Variants in PMS1 observed in about 807,000 individuals in gnomAD.
PMS1 encodes the protein PMS1 protein homolog 1.
A neutral mutation model predicts 93.1 loss-of-function variants in PMS1; 79 were observed. The ratio of observed to expected loss-of-function variants is 0.85; its 90% confidence interval spans 0.71 to 1.02. The LOEUF (loss-of-function observed/expected upper bound fraction) is 1.02, where lower values mean the gene tolerates loss of function less well. PMS1 is among the 50% of genes least tolerant of loss of function. The probability of loss-of-function intolerance (pLI) is 0.00; values close to 1 mark genes in which losing one functional copy is unlikely to be tolerated. For synonymous variants in PMS1, 335 were observed against 363.4 expected (o/e 0.92, Z 0.89); for missense variants, 1,064 against 1,085.3 (o/e 0.98, Z 0.28).
chr2:189,854,273 C>T lies in PMS1; in HGVS notation c.1001C>T (p.Thr334Met), dbSNP rs147084726. 707 of 1,593,580 alleles carry T rather than the reference C, an allele frequency of 4.4e-4. 5 individuals carry two copies. In the South Asian group the frequency reaches 5.2e-3, roughly 12 times the overall value. Reference sequence around the variant, plus strand: ...TTAATTGCTCTTGAAAATCTGATGACGACTTGTTATGGACCATTACCTAGT... The same window carrying T: ...TTAATTGCTCTTGAAAATCTGATGATGACTTGTTATGGACCATTACCTAGT... ...SVLIALENLM[T>M]TCYGPLPSTN... The change falls in exon 9 of 13, where the codon ACG becomes ATG. Residue 334 changes from threonine to methionine, a missense_variant. Coordinates refer to ENST00000441310, the MANE Select transcript of PMS1 (RefSeq NM_000534.5).
intron 4 of PMS1, among the ~76,000 whole-genome samples, chr2:189,812,490 G>T (rs930775498): frequency 6.6e-6 from 1 of 152,164 alleles, no homozygotes; most frequent in African/African-American, 2.4e-5. Context: ...ACCTGAATCT[G>T]CAAGAAGGAA....
chr2:189,802,883 C>T (rs2050015355), intron 3 of PMS1, among the ~76,000 whole-genome samples: 1 of 152,078 alleles, frequency 6.6e-6, no homozygotes, highest in African/African-American at 2.4e-5. Flanking sequence ...ATTTTACTTC[C>T]TAAATGCAGC....
chr2:189,856,254 C>T (rs747654626), intron 9 of PMS1, among the ~76,000 whole-genome samples: 35 of 151,834 alleles, frequency 2.3e-4, no homozygotes, highest in Non-Finnish European at 4.9e-4. Context: ...CCCCATTTCA[C>T]CACCAATCAT....
At position 189,802,021 on chromosome 2, in the gene PMS1, C is replaced by T. The variant is rs1026709896; in HGVS notation, c.316-3631C>T. 3.9e-5 allele frequency among the ~76,000 whole-genome samples: 6 copies of T among 152,232 alleles called. No individual in the cohort carries two copies. In the South Asian group the frequency reaches 1.0e-3, roughly 26 times the overall value. ...TAATTCTCACCAAATGTCTTCATCC[C>T]GTAGTGTTAGTTCATTTTTTTCTCT... On this transcript the variant is annotated intron_variant, in intron 3 of 12. Coordinates refer to ENST00000441310, the MANE Select transcript of PMS1 (RefSeq NM_000534.5).
rs759618103 is a variant in PMS1, at chr2:189,863,756, G to A, written c.1870G>A (p.Ala624Thr). 4.4e-6 allele frequency: 7 copies of A among 1,589,772 alleles called. No homozygotes were observed. The Admixed American group carries it at 1.2e-4, about 27-fold the overall frequency. Residue 624 changes from alanine to threonine, a missense_variant, in exon 10 of 13, where the codon GCT becomes ACT. By Grantham distance (58) the Ala-to-Thr change is moderately conservative. Transcript: ENST00000441310. The part of the protein sequence containing the change: ...EEEKLKYEEK[A>T]TKDLERYNSQ... ...TTCTATTCTTAGATATGAAGAGAAG[G>A]CTACTAAAGACTTGGAACGATACAA...
intron 5 of PMS1, among the ~76,000 whole-genome samples, chr2:189,829,757 A>G (rs1053626356): frequency 2.1e-4 from 32 of 152,328 alleles, no homozygotes; most frequent in Non-Finnish European, 4.0e-4. Context: ...ATTCTTCGCT[A>G]CTGATTCTCT....
intron 3 of PMS1, among the ~76,000 whole-genome samples, chr2:189,799,778 C>T (rs2049714834): frequency 6.6e-6 from 1 of 152,206 alleles, no homozygotes; most frequent in South Asian, 2.1e-4. Context: ...AGACAGCTGC[C>T]TTACCCAAGT....
intron 1 of PMS1, among the ~76,000 whole-genome samples, chr2:189,787,603 A>ATT (rs11413317): frequency 0.039 from 5,796 of 149,180 alleles, 152 homozygotes; most frequent in African/African-American, 0.068. Context: ...TCACTTTTTT[A>ATT]TTTTTTTTTT....
chr2:189,863,249 T>G lies in PMS1; in HGVS notation c.1857-494T>G, dbSNP rs555808044. Among the ~76,000 whole-genome samples, 36 of 151,380 alleles carry G rather than the reference T, an allele frequency of 2.4e-4. No individual in the cohort carries two copies. In the East Asian group the frequency reaches 6.0e-3, roughly 25 times the overall value. On this transcript the variant is annotated intron_variant, in intron 9 of 12. Transcript: ENST00000441310. ...TGTTGTTGTTTTTTCTTTTTGGTGTTTTTTTTTGGTTTTTTTTTTTTTGAG... is the reference window on the plus strand; with the variant it reads ...TGTTGTTGTTTTTTCTTTTTGGTGTGTTTTTTTGGTTTTTTTTTTTTTGAG...
intron 3 of PMS1, among the ~76,000 whole-genome samples, chr2:189,796,540 C>G (rs1169174936): frequency 9.2e-5 from 14 of 152,116 alleles, no homozygotes; most frequent in Admixed American, 2.0e-4. Context: ...CTTTTCCCCC[C>G]ATCCCCTAGT....
At chr2:189,859,616 G>A (rs1258815270) in intron 9 of PMS1, among the ~76,000 whole-genome samples, 1 of 152,064 alleles carries the variant, frequency 6.6e-6, no homozygotes, top group African/African-American at 2.4e-5. Context: ...GGCCCTGGAA[G>A]TTTCATTTTT....
chr2:189,862,095 T>C (rs2056077786), intron 9 of PMS1, among the ~76,000 whole-genome samples: 1 of 152,176 alleles, frequency 6.6e-6, no homozygotes, highest in Non-Finnish European at 1.5e-5. Context: ...TTCCATTGTT[T>C]ATCTGGGACT....
Position 189,795,775 on chromosome 2 carries a change from T to TATGG in PMS1, c.142_145dup (p.Phe49TrpfsTer3), listed in dbSNP as rs1168435979. 6.2e-7 allele frequency: 1 copy of TATGG among 1,612,656 alleles called. No individual in the cohort carries two copies. Among genetic ancestry groups the TATGG allele is most frequent in the African/African-American group, 1.3e-5 (1 of 74,914 alleles). Reference sequence around the variant, plus strand: ...GTTTTTTGACATTTTATAGGAGAACTATGGATTTGATAAAATTGAGGTGCG... The same window carrying TATGG: ...GTTTTTTGACATTTTATAGGAGAACTATGGATGGATTTGATAAAATTGAGGTGCG... On this transcript the variant is annotated frameshift_variant, in exon 3 of 13. Transcript: ENST00000441310. LOFTEE classifies it high-confidence loss of function.
chr2:189,857,936 G>C (rs2055523741), intron 9 of PMS1, among the ~76,000 whole-genome samples: 1 of 152,058 alleles, frequency 6.6e-6, no homozygotes, highest in Non-Finnish European at 1.5e-5. Context: ...AGGCCCAGAA[G>C]CTAGAAGGAA....
At chr2:189,793,188 T>A (rs192711899) in intron 2 of PMS1, among the ~76,000 whole-genome samples, 93 of 152,352 alleles carry the variant, frequency 6.1e-4, no homozygotes, top group Non-Finnish European at 1.1e-3. Flanking sequence ...GAGCTAAGAC[T>A]AGAATCCAGG....
chr2:189,810,011 C>G (rs1308014031), intron 4 of PMS1, among the ~76,000 whole-genome samples: 2 of 152,130 alleles, frequency 1.3e-5, no homozygotes, highest in African/African-American at 4.8e-5. Context: ...TTCTGTCTTC[C>G]TTCTGTCTAG....
intron 3 of PMS1, among the ~76,000 whole-genome samples, chr2:189,802,162 G>A (rs531975686): frequency 6.6e-6 from 1 of 152,184 alleles, no homozygotes. Flanking sequence ...ACCTTATCAA[G>A]CTCATTATGC....
At chr2:189,860,769 A>G (rs189785041) in intron 9 of PMS1, among the ~76,000 whole-genome samples, 1 of 140,930 alleles carries the variant, frequency 7.1e-6, no homozygotes, top group East Asian at 2.1e-4. Context: ...GTAGGTGATA[A>G]TATTGCTAAA....
At chr2:189,820,087 C>T (rs953335813) in intron 5 of PMS1, among the ~76,000 whole-genome samples, 2 of 152,246 alleles carry the variant, frequency 1.3e-5, no homozygotes, top group Non-Finnish European at 2.9e-5. Flanking sequence ...TGAGGGCCTA[C>T]ACAATGCCAG....
Sources: allele counts gnomAD v4.1 joint callset (sites outside exome capture counted in the v4.1 genomes callset), GRCh38; gene constraint gnomAD v4.1.1; transcripts MANE v1.5; gene names NCBI Gene and HGNC (gene_info 2026-07-23, HGNC 2026-07-21).